The following ANGPT4 variants were observed in gnomAD, a reference collection of about 807,000 sequenced individuals.
The protein encoded by ANGPT4 is angiopoietin-4.
ANGPT4 carries 50 observed loss-of-function variants against 53.0 expected under a neutral mutation model. That is an observed-to-expected ratio of 0.94 (90% CI 0.75 to 1.20). ANGPT4 has a LOEUF of 1.20. Ranked by LOEUF, ANGPT4 falls within the 50% of genes most tolerant of loss-of-function variation. The pLI is 0.00. For missense variants in ANGPT4, 648 were observed against 637.1 expected (o/e 1.02, Z -0.18); for synonymous variants, 251 against 259.7 (o/e 0.97, Z 0.32).
intron 2 of ANGPT4, 80 bp from the exon 3 acceptor site, chr20:888,519 C>A (rs1161575019): frequency 7.2e-6 from 11 of 1,529,134 alleles, no homozygotes; most frequent in Middle Eastern, 1.9e-4. Context: ...TGCCCACAGG[C>A]CCTGCCACTC....
intron 1 of ANGPT4, among the ~76,000 whole-genome samples, chr20:893,789 G>A (rs1169899165): frequency 6.6e-6 from 1 of 152,106 alleles, no homozygotes. Context: ...CCCAAACCCA[G>A]ACCTCAATCT....
chr20:873,353 C>A (rs946460536), intron 8 of ANGPT4, among the ~76,000 whole-genome samples: 1 of 152,094 alleles, frequency 6.6e-6, no homozygotes, highest in South Asian at 2.1e-4. Context: ...TCCTCGAGCC[C>A]CCTTGCTCCT....
chr20:914,462 T>C lies in ANGPT4; in HGVS notation c.309+1444A>G, dbSNP rs189373173. 8.6e-3 allele frequency among the ~76,000 whole-genome samples: 1,311 copies of C among 151,982 alleles called. 25 individuals carry two copies. The highest frequency in any genetic ancestry group is 0.03 in the African/African-American group (1,250 of 41,428). On this transcript the variant is annotated intron_variant, in intron 1 of 8. Coordinates refer to ENST00000381922, the MANE Select transcript of ANGPT4 (RefSeq NM_015985.4). The surrounding 1 kb of genome is among the most constrained non-coding windows in gnomAD (Gnocchi z 5.0). ...TTTTATTCGGATGCATGGTTAGCCCTGGGAGGAGGGAGAGGATGTAACTTA... is the reference window on the plus strand; with the variant it reads ...TTTTATTCGGATGCATGGTTAGCCCCGGGAGGAGGGAGAGGATGTAACTTA...
intron 1 of ANGPT4, among the ~76,000 whole-genome samples, chr20:897,305 A>T (rs1296341877): frequency 1.3e-5 from 2 of 152,186 alleles, no homozygotes; most frequent in Non-Finnish European, 2.9e-5. Context: ...TTCCATGAGG[A>T]GATCCACCTA....
chr20:910,734 G>A (rs1982663752), intron 1 of ANGPT4, among the ~76,000 whole-genome samples: 1 of 152,180 alleles, frequency 6.6e-6, no homozygotes, highest in Non-Finnish European at 1.5e-5. Flanking sequence ...GCCCTCTGTG[G>A]GATGGCTGGC....
intron 4 of ANGPT4, among the ~76,000 whole-genome samples, chr20:882,251 C>T (rs905332941): frequency 6.6e-6 from 1 of 152,160 alleles, no homozygotes; most frequent in Non-Finnish European, 1.5e-5. Context: ...TGTTGACAAA[C>T]AAAGTGCAGA....
intron 1 of ANGPT4, among the ~76,000 whole-genome samples, chr20:906,255 C>T (rs2122124040): frequency 6.6e-6 from 1 of 152,306 alleles, no homozygotes; most frequent in East Asian, 1.9e-4. Flanking sequence ...CCTTAAGCAG[C>T]CCTTGGGAGG....
At chr20:899,202 G>A (rs1335952843) in intron 1 of ANGPT4, among the ~76,000 whole-genome samples, 4 of 152,028 alleles carry the variant, frequency 2.6e-5, no homozygotes, top group African/African-American at 7.3e-5. Flanking sequence ...TGACGGCCAG[G>A]CTGCTAGACT....
intron 4 of ANGPT4, 110 bp downstream of exon 4, chr20:884,968 G>T (rs1281764004): frequency 1.4e-6 from 2 of 1,460,812 alleles, no homozygotes; most frequent in Non-Finnish European, 1.8e-6. Context: ...CGGGGAGGGT[G>T]GGGCCCGCAA....
At chr20:896,375 G>C (rs972016653) in intron 1 of ANGPT4, among the ~76,000 whole-genome samples, 2 of 152,202 alleles carry the variant, frequency 1.3e-5, no homozygotes, top group Non-Finnish European at 2.9e-5. Context: ...AGTTTAGCCA[G>C]TATGATGGAG....
rs1318112503 is a variant in ANGPT4, at chr20:914,754, A to T, written c.309+1152T>A. Among the ~76,000 whole-genome samples, 1 of 151,352 alleles carries T rather than the reference A, an allele frequency of 6.6e-6. No individual in the cohort carries two copies. Among genetic ancestry groups the T allele is most frequent in the East Asian group, 1.9e-4 (1 of 5,168 alleles). On this transcript the variant is annotated intron_variant, in intron 1 of 8. Transcript: ENST00000381922. This position sits in a 1 kb window ranked among gnomAD's most constrained non-coding sequence, Gnocchi z 5.0. Reference sequence around the variant, plus strand: ...GGGACTCTGAAGAGTCCCATCTCAGACCCCCCAGGATGTCTCCTGTACCCT... The same window carrying T: ...GGGACTCTGAAGAGTCCCATCTCAGTCCCCCCAGGATGTCTCCTGTACCCT...
At chr20:890,546 C>G (rs1457152597) in intron 1 of ANGPT4, among the ~76,000 whole-genome samples, 178 bp from the exon 2 acceptor site, 1 of 152,148 alleles carries the variant, frequency 6.6e-6, no homozygotes, top group Non-Finnish European at 1.5e-5. Flanking sequence ...AGATTTTTCC[C>G]TGGGAGGGAT....
Position 881,188 on chromosome 20 carries a change from C to T in ANGPT4, c.934G>A (p.Ala312Thr), listed in dbSNP as rs780744712. The T allele has an allele frequency of 6.3e-6, 10 of 1,595,540 alleles. No individual in the cohort carries two copies. The highest frequency in any genetic ancestry group is 6.8e-6 in the Non-Finnish European group (8 of 1,170,660). The change falls in exon 5 of 9, where the codon GCA becomes ACA. Residue 312 changes from alanine to threonine, a missense_variant. Ala to Thr is a moderately conservative substitution (Grantham distance 58). Transcript: ENST00000381922. ...SGVYTIQVSN[A>T]TKPRKVFCDL... ...CCCCTAACCTTCCTGGGCTTCGTTG[C>T]ATTGGACACCTGGATGGTGTAGACA... is the stretch of plus-strand genomic sequence containing the variant.
chr20:900,541 C>A (rs770923733), intron 1 of ANGPT4, among the ~76,000 whole-genome samples: 21 of 152,276 alleles, frequency 1.4e-4, no homozygotes, highest in African/African-American at 4.8e-4. Context: ...TTCCTTACTC[C>A]CAAAATTCAA....
intron 4 of ANGPT4, 144 bp from the exon 5 acceptor site, chr20:881,430 C>T (rs1981402183): frequency 2.8e-6 from 2 of 717,136 alleles, no homozygotes; most frequent in Non-Finnish European, 4.9e-6. Context: ...GGGAAGATTT[C>T]GTAGAGGAGG....
chr20:885,196 G>C lies in ANGPT4; in HGVS notation c.717C>G (p.Arg239=), dbSNP rs1443112193. ...AGTTGTGCCTGACACCGCGCAGGCCGCGCTCGATGTTGGTGAGGGCGGCGC... is the reference window on the plus strand; with the variant it reads ...AGTTGTGCCTGACACCGCGCAGGCCCCGCTCGATGTTGGTGAGGGCGGCGC... The part of the protein sequence containing the change: ...RQSAALTNIE[R]GLRGVRHNSS... Residue 239 remains arginine (R), a synonymous_variant, in exon 4 of 9, where the codon CGC becomes CGG. Coordinates refer to ENST00000381922, the MANE Select transcript of ANGPT4 (RefSeq NM_015985.4). 2 of 1,601,320 alleles carry C rather than the reference G, an allele frequency of 1.2e-6. No homozygotes were observed. Among genetic ancestry groups the C allele is most frequent in the Non-Finnish European group, 1.7e-6 (2 of 1,173,854 alleles).
intron 1 of ANGPT4, among the ~76,000 whole-genome samples, chr20:915,232 C>CT (rs969802305): frequency 1.9e-4 from 29 of 151,982 alleles, no homozygotes; most frequent in African/African-American, 6.5e-4. Flanking sequence ...TGGCCCCCCC[C>CT]CCAGCTGCAT....
intron 7 of ANGPT4, among the ~76,000 whole-genome samples, chr20:875,763 G>T (rs1464037170): frequency 6.6e-6 from 1 of 152,270 alleles, no homozygotes; most frequent in East Asian, 1.9e-4. Flanking sequence ...AGAATGCGGG[G>T]TGTTTGTATG....
rs1321651171 is a variant in ANGPT4, at chr20:911,950, C to T, written c.309+3956G>A. 6.6e-6 allele frequency among the ~76,000 whole-genome samples: 1 copy of T among 152,078 alleles called. No individual in the cohort carries two copies. Among genetic ancestry groups the T allele is most frequent in the Non-Finnish European group, 1.5e-5 (1 of 68,020 alleles). On this transcript the variant is annotated intron_variant, in intron 1 of 8. Coordinates refer to ENST00000381922, the MANE Select transcript of ANGPT4 (RefSeq NM_015985.4). This position sits in a 1 kb window ranked among gnomAD's most constrained non-coding sequence, Gnocchi z 4.9. ...AGGGCTGCCATGGACCCCAGGCCAG[C>T]AGCTGCTGGCTGCTCCCTAAAGGTG...
Sources: gnomAD v4.1 joint callset for allele counts (sites outside exome capture counted in the v4.1 genomes callset) on GRCh38, gnomAD v4.1.1 for gene constraint, Gnocchi (gnomAD v3.1) non-coding constraint, MANE v1.5 for transcripts, NCBI Gene and HGNC (gene_info 2026-07-23, HGNC 2026-07-21) for gene names.